DNAH12: variants seen among roughly 807,000 people sequenced by gnomAD.
The protein encoded by DNAH12 is dynein axonemal heavy chain 12, also known as axonemal beta dynein heavy chain 12.
Under a neutral mutation model 371.5 loss-of-function variants are expected in DNAH12, and 285 were observed. The observed-to-expected ratio is 0.77, with a 90% CI of 0.70 to 0.85. The LOEUF (loss-of-function observed/expected upper bound fraction) is 0.85, where lower values mean the gene tolerates loss of function less well. DNAH12 is among the 40% of genes least tolerant of loss of function. DNAH12 has a pLI of 0.00. For synonymous variants in DNAH12, 1,200 were observed against 1,213.0 expected, an observed-to-expected ratio of 0.99 and a Z score of 0.22; for missense variants, 3,611 against 3,689.4, an observed-to-expected ratio of 0.98 and a Z score of 0.55.
At chr3:57,302,529 G>GTTTATA (rs879293648) in intron 69 of DNAH12, among the ~76,000 whole-genome samples, 1,250 of 47,804 alleles carry the variant, frequency 0.026, 201 homozygotes, top group East Asian at 0.073. Flanking sequence ...GGCATCAGGT[G>GTTTATA]TATATATATA....
intron 47 of DNAH12, among the ~76,000 whole-genome samples, chr3:57,385,858 G>C (rs2153345253): frequency 6.6e-6 from 1 of 152,266 alleles, no homozygotes; most frequent in African/African-American, 2.4e-5. Flanking sequence ...TCCAGCCTGG[G>C]TGACAGAGTG....
intron 29 of DNAH12, among the ~76,000 whole-genome samples, chr3:57,439,764 G>T (rs1412064743): frequency 6.6e-6 from 1 of 151,982 alleles, no homozygotes. Flanking sequence ...TACAGAATGG[G>T]AGAAAATATT....
At chr3:57,480,384 C>G (rs1218176541) in intron 13 of DNAH12, among the ~76,000 whole-genome samples, 1 of 152,004 alleles carries the variant, frequency 6.6e-6, no homozygotes, top group Non-Finnish European at 1.5e-5. Context: ...GAAGTTGAAT[C>G]TCTGAATAGA....
At chr3:57,422,183 G>C (rs1211722486) in intron 35 of DNAH12, among the ~76,000 whole-genome samples, 1 of 151,600 alleles carries the variant, frequency 6.6e-6, no homozygotes, top group Non-Finnish European at 1.5e-5. Flanking sequence ...AGAGTGCTAG[G>C]ATTACAGGCA....
intron 12 of DNAH12, among the ~76,000 whole-genome samples, chr3:57,487,279 AGAAGGAAGAAAG>A (rs1245282473): frequency 8.3e-5 from 6 of 72,230 alleles, no homozygotes; most frequent in African/African-American, 3.1e-4. Flanking sequence ...CTAATAGAAA[AGAAGGAAGAAAG>A]GAAGGAAGGA....
intron 38 of DNAH12, among the ~76,000 whole-genome samples, chr3:57,414,541 C>T (rs1261822187): frequency 6.6e-6 from 1 of 152,142 alleles, no homozygotes; most frequent in Non-Finnish European, 1.5e-5. Flanking sequence ...CCCTCCTCCC[C>T]CGCTCCACTC....
intron 44 of DNAH12, among the ~76,000 whole-genome samples, chr3:57,393,553 G>A (rs1174128107): frequency 6.9e-6 from 1 of 145,244 alleles, no homozygotes; most frequent in African/African-American, 2.5e-5. Flanking sequence ...GTGAACCCGG[G>A]AGGCGGAGGT....
rs938747670 is a variant in DNAH12, at chr3:57,469,102, G to C, written c.2106-123C>G. 3.4e-6 allele frequency: 3 copies of C among 888,838 alleles called. No homozygotes were observed. The East Asian group carries it at 8.8e-5, about 26-fold the overall frequency. The allele number at this position is 888,838 out of a possible 1,614,324, so 55.1% of individuals were successfully genotyped here. A position where few individuals can be genotyped will look rare whatever the true frequency, so the allele number is the denominator to read the frequency against. On this transcript the variant is annotated intron_variant, in intron 16 of 73. Transcript: ENST00000495027. ...AAAATGAGGGCAAGAGCTGTTAACAGTTTTTCTCAGGCACACAGGTAGAGC... is the reference window on the plus strand; with the variant it reads ...AAAATGAGGGCAAGAGCTGTTAACACTTTTTCTCAGGCACACAGGTAGAGC...
intron 53 of DNAH12, among the ~76,000 whole-genome samples, chr3:57,376,321 T>G (rs1207608949): frequency 1.3e-5 from 2 of 152,116 alleles, no homozygotes; most frequent in Admixed American, 6.6e-5. Context: ...TATTTATTGT[T>G]AGACTGTAAA....
intron 12 of DNAH12, among the ~76,000 whole-genome samples, chr3:57,488,553 G>T (rs969107260): frequency 1.3e-5 from 2 of 152,078 alleles, no homozygotes; most frequent in African/African-American, 4.8e-5. Context: ...AATTAAGTAG[G>T]TTGCCCAGAG....
chr3:57,468,720 T>TTA lies in DNAH12; in HGVS notation c.2349+14_2349+15dup. On this transcript the variant is annotated intron_variant, in intron 17 of 73. Transcript: ENST00000495027. The stretch of plus-strand genomic sequence containing the variant: ...AGATAGCTATAATATTAAAATGTTA[T>TTA]TATATATATTTATACCTTAAAAGCT... The TTA allele has an allele frequency of 7.6e-7, 1 of 1,312,818 alleles. No individual in the cohort carries two copies. Among genetic ancestry groups the TTA allele is most frequent in the Non-Finnish European group, 9.9e-7 (1 of 1,010,812 alleles). 81.3% of individuals were successfully genotyped at this position (1,312,818 alleles called of 1,614,324 possible).
intron 12 of DNAH12, among the ~76,000 whole-genome samples, chr3:57,487,674 T>C (rs1003360062): frequency 6.6e-6 from 1 of 152,142 alleles, no homozygotes; most frequent in Non-Finnish European, 1.5e-5. Context: ...TGATGTTATC[T>C]AAAGTACAGA....
Position 57,352,180 on chromosome 3 carries a change from G to T in DNAH12, c.9579C>A (p.Asp3193Glu). The change falls in exon 60 of 74, where the codon GAC becomes GAA. Residue 3193 changes from aspartate to glutamate, a missense_variant. Physicochemically the swap from Asp to Glu is conservative, Grantham distance 45 (BLOSUM62 2). Around this residue, in one of 3 missense-constraint regions of DNAH12, gnomAD observed 2,266 missense variants for 2,236.9 expected, o/e 1.01. Transcript: ENST00000495027. ...TACAATATAAGTTGTATGTGAAGTGGTCATTTAAATATCGTAGGCGCTTTT... is the reference window on the plus strand; with the variant it reads ...TACAATATAAGTTGTATGTGAAGTGTTCATTTAAATATCGTAGGCGCTTTT... Reference protein sequence around the residue: ...ILEKRLRYLNDHFTYNLYCNI... With the variant: ...ILEKRLRYLNEHFTYNLYCNI... The T allele has an allele frequency of 6.5e-7, 1 of 1,541,868 alleles. No individual in the cohort carries two copies. Among genetic ancestry groups the T allele is most frequent in the Non-Finnish European group, 8.7e-7 (1 of 1,144,486 alleles).
chr3:57,322,363 C>A lies in DNAH12; in HGVS notation c.10504G>T (p.Gly3502Ter). Residue 3502 changes from glycine to a stop codon, truncating the protein, a stop_gained, in exon 65 of 74, where the codon GGA (glycine) becomes TGA (stop). Transcript: ENST00000495027. LOFTEE classifies it high-confidence loss of function. ...DPVSDPEFFK[G>*]CRGKELAWEK... Reference sequence around the variant, plus strand: ...ATTACCAGTTCCTTTCCACGGCATCCCTTGAAAAACTCAGGATCAGAAACT... The same window carrying A: ...ATTACCAGTTCCTTTCCACGGCATCACTTGAAAAACTCAGGATCAGAAACT... The A allele has an allele frequency of 3.9e-6, 6 of 1,551,162 alleles. No individual in the cohort carries two copies. The highest frequency in any genetic ancestry group is 5.2e-6 in the Non-Finnish European group (6 of 1,146,724).
chr3:57,477,645 C>A (rs2066583842), intron 13 of DNAH12, among the ~76,000 whole-genome samples: 1 of 152,170 alleles, frequency 6.6e-6, no homozygotes, highest in Admixed American at 6.5e-5. Flanking sequence ...GTCCCTGACC[C>A]CCGAGTAGCC....
intron 62 of DNAH12, among the ~76,000 whole-genome samples, chr3:57,327,495 T>C (rs1042707738): frequency 6.6e-6 from 1 of 152,094 alleles, no homozygotes; most frequent in Admixed American, 6.5e-5. Flanking sequence ...GAAATAAAGA[T>C]GTTCTTTGAA....
intron 2 of DNAH12, among the ~76,000 whole-genome samples, chr3:57,531,767 CAAAAAAA>C (rs35142998): frequency 6.0e-5 from 3 of 50,276 alleles, no homozygotes; most frequent in East Asian, 1.1e-3. Flanking sequence ...CACTCCATCT[CAAAAAAA>C]AAAAAAAAAA....
chr3:57,392,515 G>A (rs1003328819), intron 44 of DNAH12, among the ~76,000 whole-genome samples: 6 of 152,172 alleles, frequency 3.9e-5, no homozygotes, highest in South Asian at 2.1e-4. Flanking sequence ...CCAGGAGTTC[G>A]AAGCTGCAGT....
At chr3:57,542,941 G>T in intron 1 of DNAH12, 38 bp from the exon 2 acceptor site, 2 of 1,435,536 alleles carry the variant, frequency 1.4e-6, no homozygotes. Flanking sequence ...TATTATGTCA[G>T]CAAGCCTCGA....
Sources: gnomAD v4.1 joint callset for allele counts (sites outside exome capture counted in the v4.1 genomes callset) on GRCh38, gnomAD v4.1.1 for gene constraint, gnomAD v4.1.1 regional missense constraint, MANE v1.5 for transcripts, NCBI Gene and HGNC (gene_info 2026-07-23, HGNC 2026-07-21) for gene names.